Variants in SPIRE2 observed in about 807,000 individuals in gnomAD.
The protein encoded by SPIRE2 is protein spire homolog 2.
SPIRE2 carries 76 observed loss-of-function variants against 80.7 expected under a neutral mutation model. The ratio of observed to expected loss-of-function variants is 0.94; its 90% CI spans 0.78 to 1.14. The LOEUF (loss-of-function observed/expected upper bound fraction) is 1.14. SPIRE2 is among the 50% of genes most tolerant of loss of function. The probability of loss-of-function intolerance (pLI) is 0.00; values close to 1 mark genes in which losing one functional copy is unlikely to be tolerated. For missense variants in SPIRE2, 1,196 were observed against 1,015.3 expected (o/e 1.18, Z -2.42); for synonymous variants, 535 against 432.6 (o/e 1.24, Z -2.94).
chr16:89,862,829 C>G (rs559596232), intron 10 of SPIRE2: 1 of 152,994 alleles, frequency 6.5e-6, no homozygotes, highest in Non-Finnish European at 1.5e-5. Context: ...CAGTGATGAC[C>G]GACACTGCGA....
Position 89,855,624 on chromosome 16 carries a change from G to T in SPIRE2, c.916G>T (p.Val306Leu). The T allele has an allele frequency of 7.4e-6, 12 of 1,612,864 alleles. No individual in the cohort carries two copies. Among genetic ancestry groups the T allele is most frequent in the Non-Finnish European group, 1.0e-5 (12 of 1,179,954 alleles). ...GGTGGATGGGGACATCCCGCCCCGG[G>T]TGAAGAAGGACGCTCACGAGCTCAT... ...VMVDGDIPPR[V>L]KKDAHELILD... The change falls in exon 6 of 15, where the codon GTG (valine) becomes TTG (leucine). Residue 306 changes from valine (V) to leucine (L), a missense_variant. Transcript: ENST00000378247.
chr16:89,834,828 G>A (rs1380078458), intron 1 of SPIRE2, among the ~76,000 whole-genome samples: 9 of 135,628 alleles, frequency 6.6e-5, no homozygotes, highest in African/African-American at 1.7e-4. Context: ...GCGGTTGGCC[G>A]TCGTAGAAGG....
intron 5 of SPIRE2, among the ~76,000 whole-genome samples, chr16:89,854,938 G>GT (rs1272401177): frequency 1.0e-5 from 1 of 97,386 alleles, no homozygotes; most frequent in African/African-American, 4.0e-5. Flanking sequence ...AAGGCTGTAG[G>GT]ATTTTTTTTT....
At position 89,858,425 on chromosome 16, in the gene SPIRE2, G is replaced by A. The variant is rs1426011669; in HGVS notation, c.1190G>A (p.Gly397Glu). Reference sequence around the variant, plus strand: ...ATCAACCTGTCAGTCACAGATGCTGGGGGCAGCGCCCAGCGCCCGCGGCCC... The same window carrying A: ...ATCAACCTGTCAGTCACAGATGCTGAGGGCAGCGCCCAGCGCCCGCGGCCC... ...SCINLSVTDAGGSAQRPRPRV... is the reference protein window; with the variant it reads ...SCINLSVTDAEGSAQRPRPRV... Residue 397 changes from glycine (G) to glutamate (E), a missense_variant, in exon 8 of 15, where the codon GGG (glycine) becomes GAG (glutamate). Gly to Glu is a moderately conservative substitution (Grantham distance 98). Transcript: ENST00000378247. 4 of 1,611,848 alleles carry A rather than the reference G, an allele frequency of 2.5e-6. No homozygotes were observed. Among genetic ancestry groups the A allele is most frequent in the Middle Eastern group, 1.6e-4 (1 of 6,078 alleles).
chr16:89,830,745 T>A lies in SPIRE2; in HGVS notation c.244+1951T>A, dbSNP rs2041371290. On this transcript the variant is annotated intron_variant, in intron 1 of 14. Transcript: ENST00000378247. ...TGGGCAGTAGGTGTGTAAAACCACT[T>A]TGAAAAAAACCAACAACAAACTAGA... Among the ~76,000 whole-genome samples the A allele has an allele frequency of 1.3e-5, 2 of 150,800 alleles. 1 individual carries two copies. Among genetic ancestry groups the A allele is most frequent in the Non-Finnish European group, 3.0e-5 (2 of 67,312 alleles).
chr16:89,836,945 G>A (rs958965706), intron 1 of SPIRE2, among the ~76,000 whole-genome samples: 1 of 152,074 alleles, frequency 6.6e-6, no homozygotes, highest in Non-Finnish European at 1.5e-5. Flanking sequence ...TGGTGAGCCA[G>A]GATTGCGCCA....
chr16:89,836,549 G>C (rs1048906227), intron 1 of SPIRE2: 4 of 220,082 alleles, frequency 1.8e-5, no homozygotes, highest in African/African-American at 9.0e-5. Context: ...GTATTAAGCA[G>C]ACACCAACGT....
intron 1 of SPIRE2, among the ~76,000 whole-genome samples, chr16:89,833,920 G>A (rs1037041002): frequency 2.6e-5 from 4 of 152,134 alleles, no homozygotes; most frequent in Admixed American, 1.3e-4. Flanking sequence ...GAGGCTGGCC[G>A]CTGTGTGTGG....
At chr16:89,850,769 G>A (rs1354199162) in intron 3 of SPIRE2, 109 bp downstream of exon 3, 2 of 786,754 alleles carry the variant, frequency 2.5e-6, no homozygotes, top group South Asian at 1.9e-5. Context: ...AAGTCAGGTC[G>A]TCGGTGCGAC....
chr16:89,843,886 A>G (rs2041531699), intron 1 of SPIRE2, among the ~76,000 whole-genome samples: 1 of 140,728 alleles, frequency 7.1e-6, no homozygotes, highest in Non-Finnish European at 1.5e-5. Flanking sequence ...TTTTTTGGAG[A>G]GATGAGGTTT....
chr16:89,832,895 C>T (rs2041400409), intron 1 of SPIRE2, among the ~76,000 whole-genome samples: 1 of 152,046 alleles, frequency 6.6e-6, no homozygotes, highest in South Asian at 2.1e-4. Flanking sequence ...GATCTCGGCT[C>T]ACTGCAACCT....
At position 89,870,172 on chromosome 16, in the gene SPIRE2, C is replaced by G; in HGVS notation, c.2045C>G (p.Ser682Cys). The change falls in exon 15 of 15, where the codon TCC (serine) becomes TGC (cysteine). Residue 682 changes from serine to cysteine, a missense_variant. Transcript: ENST00000378247. ...CTSFVADVVR[S>C]SRKSVDVLNT... ...AGCTTTGTGGCAGACGTGGTGCGTT[C>G]CAGCCGCAAGAGCGTGGACGTCCTC... 1 of 1,611,034 alleles carries G rather than the reference C, an allele frequency of 6.2e-7. No individual in the cohort carries two copies. The highest frequency in any genetic ancestry group is 8.5e-7 in the Non-Finnish European group (1 of 1,178,830).
At chr16:89,851,932 T>C (rs2041631812) in intron 3 of SPIRE2, among the ~76,000 whole-genome samples, 1 of 151,994 alleles carries the variant, frequency 6.6e-6, no homozygotes, top group South Asian at 2.1e-4. Flanking sequence ...TCTGAGCCTT[T>C]GCAGGTGGTT....
At position 89,870,303 on chromosome 16, in the gene SPIRE2, A is replaced by G; in HGVS notation, c.*31A>G. ...CCAGGTGGCCAGGCCTCCAGGAGGC[A>G]CCAGGCAGGCCCTGTATCAGGCTAG... On this transcript the variant is annotated 3_prime_UTR_variant, in exon 15 of 15. Coordinates refer to ENST00000378247, the MANE Select transcript of SPIRE2 (RefSeq NM_032451.2). The G allele has an allele frequency of 6.8e-7, 1 of 1,469,338 alleles. No homozygotes were observed. Among genetic ancestry groups the G allele is most frequent in the South Asian group, 1.2e-5 (1 of 83,710 alleles). The allele number at this position is 1,469,338 out of a possible 1,614,324, so 91.0% of individuals were successfully genotyped here.
intron 1 of SPIRE2, among the ~76,000 whole-genome samples, chr16:89,834,975 A>G (rs2041431559): frequency 6.8e-6 from 1 of 146,590 alleles, no homozygotes. Context: ...AGAAGGCCCC[A>G]TAAGCATAGC....
Position 89,854,284 on chromosome 16 carries a change from A to G in SPIRE2, c.646-2A>G, listed in dbSNP as rs1222600012. ...TGGACTGACGAGCACGTGTGGTCACAGATGCTGCAGAAGCTTCGGGAGGAC... is the reference window on the plus strand; with the variant it reads ...TGGACTGACGAGCACGTGTGGTCACGGATGCTGCAGAAGCTTCGGGAGGAC... On this transcript the variant is annotated splice_acceptor_variant, in intron 3 of 14. Coordinates refer to ENST00000378247, the MANE Select transcript of SPIRE2 (RefSeq NM_032451.2). LOFTEE classifies it high-confidence loss of function. The G allele has an allele frequency of 6.2e-7, 1 of 1,611,720 alleles. No individual in the cohort carries two copies. The highest frequency in any genetic ancestry group is 1.1e-5 in the South Asian group (1 of 90,874).
In SPIRE2 at chr16:89,863,393, G is replaced by A; in HGVS notation, c.1576-83G>A. 6.6e-7 allele frequency: 1 copy of A among 1,514,984 alleles called. No individual in the cohort carries two copies. The highest frequency in any genetic ancestry group is 1.9e-5 in the Admixed American group (1 of 53,920). The allele number at this position is 1,514,984 out of a possible 1,614,324, so 93.8% of individuals were successfully genotyped here. ...GCAGGCTTGTTTAGGCTGAGGCCAG[G>A]GAGGGTTAGGGTCCTCAGGGAAGGA... is the stretch of plus-strand genomic sequence containing the variant. On this transcript the variant is annotated intron_variant, in intron 10 of 14. Coordinates refer to ENST00000378247, the MANE Select transcript of SPIRE2 (RefSeq NM_032451.2). The surrounding 1 kb of genome is among the most constrained non-coding windows in gnomAD (Gnocchi z 4.3).
chr16:89,831,236 G>T (rs1190045820), intron 1 of SPIRE2, among the ~76,000 whole-genome samples: 3 of 150,692 alleles, frequency 2.0e-5, no homozygotes, highest in Non-Finnish European at 1.5e-5. Context: ...CATCTCAGAC[G>T]TGGTGCTAAT....
Position 89,860,779 on chromosome 16 carries a change from C to A in SPIRE2, c.1559C>A (p.Ala520Asp), listed in dbSNP as rs890907403. ...DRPEASMTPDAKHLWLEFSHP... is the reference protein window; with the variant it reads ...DRPEASMTPDDKHLWLEFSHP... Reference sequence around the variant, plus strand: ...CCCGAGGCCTCCATGACCCCCGATGCCAAACACCTGTGGCTGGTGAGTGAG... The same window carrying A: ...CCCGAGGCCTCCATGACCCCCGATGACAAACACCTGTGGCTGGTGAGTGAG... The change falls in exon 10 of 15, where the codon GCC becomes GAC. Residue 520 changes from alanine to aspartate, a missense_variant. By Grantham distance (126) the Ala-to-Asp change is moderately radical. Transcript: ENST00000378247. The A allele has an allele frequency of 2.6e-6, 4 of 1,538,230 alleles. No homozygotes were observed. In the African/African-American group the frequency reaches 4.2e-5, roughly 16 times the overall value.
Sources: gnomAD v4.1 joint callset for allele counts (sites outside exome capture counted in the v4.1 genomes callset) on GRCh38, gnomAD v4.1.1 for gene constraint, Gnocchi (gnomAD v3.1) non-coding constraint, MANE v1.5 for transcripts, NCBI Gene and HGNC (gene_info 2026-07-23, HGNC 2026-07-21) for gene names.